The following KLF12 variants were observed in gnomAD, a reference collection of about 807,000 sequenced individuals.
The protein encoded by KLF12 is KLF transcription factor 12.
A neutral mutation model predicts 37.8 loss-of-function variants in KLF12; 9 were observed. That is an observed-to-expected ratio of 0.24 (90% confidence interval 0.14 to 0.42). KLF12 has a LOEUF of 0.42. Among genes scored for constraint, KLF12 ranks in the 10% least tolerant of loss-of-function variants. The pLI is 1.00. For synonymous variants in KLF12, 208 were observed against 202.1 expected, an observed-to-expected ratio of 1.03 and a Z score of -0.25; for missense variants, 411 against 516.0, an observed-to-expected ratio of 0.80 and a Z score of 1.97.
At chr13:73,752,522 G>A (rs1440057427) in intron 6 of KLF12, among the ~76,000 whole-genome samples, 1 of 149,060 alleles carries the variant, frequency 6.7e-6, no homozygotes. Flanking sequence ...ACAACCACCA[G>A]TTGCTCACAC....
chr13:73,687,728 A>G lies in KLF12; in HGVS notation c.*7762T>C, dbSNP rs1873579260. On this transcript the variant is annotated 3_prime_UTR_variant, in exon 8 of 8. Coordinates refer to ENST00000377669, the MANE Select transcript of KLF12 (RefSeq NM_007249.5). ...AACCCTTACTTCTCAACAAAAATGAATCTCTGTGAAAGTCTTGATGAACCT... is the reference window on the plus strand; with the variant it reads ...AACCCTTACTTCTCAACAAAAATGAGTCTCTGTGAAAGTCTTGATGAACCT... The G allele has an allele frequency of 6.6e-6, 1 of 152,198 alleles. No individual in the cohort carries two copies. The highest frequency in any genetic ancestry group is 2.1e-4 in the South Asian group (1 of 4,826). 9.4% of individuals were successfully genotyped at this position (152,198 alleles called of 1,614,324 possible). A position where few individuals can be genotyped will look rare whatever the true frequency, so the allele number is the denominator to read the frequency against.
In KLF12 at chr13:74,037,973, G is replaced by C. The variant is rs534618423; in HGVS notation, c.-31-42920C>G. The stretch of plus-strand genomic sequence containing the variant: ...ACAAAACAGTAGCACAGGAAGCCTT[G>C]TGGGCATGGAACCCCACATACACAA... On this transcript the variant is annotated intron_variant, in intron 1 of 7. Coordinates refer to ENST00000377669, the MANE Select transcript of KLF12 (RefSeq NM_007249.5). 8.5e-5 allele frequency among the ~76,000 whole-genome samples: 13 copies of C among 152,296 alleles called. No homozygotes were observed. The East Asian group carries it at 2.3e-3, about 27-fold the overall frequency.
At chr13:73,903,651 T>G (rs549097532) in intron 3 of KLF12, among the ~76,000 whole-genome samples, 7 of 152,306 alleles carry the variant, frequency 4.6e-5, no homozygotes, top group South Asian at 4.1e-4. Context: ...AATCTTCAAC[T>G]ACTCTTGAAC....
At chr13:74,301,472 G>T in the KLF12 span, among the ~76,000 whole-genome samples, 1 of 152,246 alleles carries the variant, frequency 6.6e-6, no homozygotes, top group East Asian at 1.9e-4. Context: ...GATTAAATGT[G>T]ATTTTAAATG....
intron 3 of KLF12, among the ~76,000 whole-genome samples, chr13:73,925,781 G>T (rs1487826362): frequency 6.6e-6 from 1 of 152,170 alleles, no homozygotes; most frequent in East Asian, 1.9e-4. Flanking sequence ...ATTCATGGGA[G>T]GAGGTCAAAG....
intron 1 of KLF12, among the ~76,000 whole-genome samples, chr13:74,101,802 G>C (rs982809109): frequency 2.4e-4 from 36 of 152,156 alleles, no homozygotes; most frequent in African/African-American, 8.2e-4. Flanking sequence ...TCAGTAAATG[G>C]GGAAAAAGGG....
chr13:74,121,771 G>C (rs1877647048), intron 1 of KLF12, among the ~76,000 whole-genome samples: 1 of 151,908 alleles, frequency 6.6e-6, no homozygotes, highest in Non-Finnish European at 1.5e-5. Context: ...AATGCTAGTT[G>C]CAAGTATTAG....
At chr13:73,699,531 A>G (rs1040843416) in intron 7 of KLF12, among the ~76,000 whole-genome samples, 6 of 152,260 alleles carry the variant, frequency 3.9e-5, no homozygotes, top group African/African-American at 1.2e-4. Flanking sequence ...GGTGAAGGTC[A>G]CATGGTATGA....
the KLF12 span, among the ~76,000 whole-genome samples, chr13:74,237,589 C>T: frequency 6.7e-6 from 1 of 149,976 alleles, no homozygotes; most frequent in South Asian, 2.1e-4. Context: ...GAATGTTCTT[C>T]CATTTGTTTG....
chr13:74,101,855 GA>G (rs1348436421), intron 1 of KLF12, among the ~76,000 whole-genome samples: 1 of 152,184 alleles, frequency 6.6e-6, no homozygotes, highest in African/African-American at 2.4e-5. Flanking sequence ...AAGAATAGCA[GA>G]AAATGAAAAT....
the KLF12 span, among the ~76,000 whole-genome samples, chr13:74,295,963 G>C: frequency 4.6e-5 from 7 of 151,726 alleles, no homozygotes; most frequent in African/African-American, 1.7e-4. Context: ...ATAGACATGC[G>C]CCTCCCTGAC....
At chr13:74,167,282 C>A in the KLF12 span, among the ~76,000 whole-genome samples, 1 of 152,186 alleles carries the variant, frequency 6.6e-6, no homozygotes, top group African/African-American at 2.4e-5. Flanking sequence ...AGCGTTGGAA[C>A]ATCTGGTATA....
chr13:74,235,031 T>A, the KLF12 span, among the ~76,000 whole-genome samples: 1 of 152,240 alleles, frequency 6.6e-6, no homozygotes, highest in Non-Finnish European at 1.5e-5. Context: ...ACAGTCTGGA[T>A]GCAAGAAACC....
chr13:74,101,778 A>C (rs1876360288), intron 1 of KLF12, among the ~76,000 whole-genome samples: 2 of 152,192 alleles, frequency 1.3e-5, no homozygotes, highest in East Asian at 3.8e-4. Context: ...CTGTGACATA[A>C]TATATGAAAA....
In KLF12 at chr13:74,020,190, T is replaced by C. The variant is rs190164192; in HGVS notation, c.-31-25137A>G. On this transcript the variant is annotated intron_variant, in intron 1 of 7. Transcript: ENST00000377669. ...AATTGTTTAATAATATTTGGGTTTT[T>C]TTCCAATTACACAGTGCTCGTAAAT... Among the ~76,000 whole-genome samples, 229 of 152,382 alleles carry C rather than the reference T, an allele frequency of 1.5e-3. 2 individuals carry two copies. Among genetic ancestry groups the C allele is most frequent in the Non-Finnish European group, 3.7e-4 (25 of 68,036 alleles).
chr13:73,972,322 A>T (rs1891371115), intron 2 of KLF12, among the ~76,000 whole-genome samples: 1 of 152,140 alleles, frequency 6.6e-6, no homozygotes, highest in Admixed American at 6.6e-5. Context: ...GTGTTCCATT[A>T]AAGAACGTCT....
At chr13:74,266,787 A>G in the KLF12 span, among the ~76,000 whole-genome samples, 71 of 152,328 alleles carry the variant, frequency 4.7e-4, no homozygotes, top group East Asian at 1.4e-3. Flanking sequence ...GGTCCTAAAG[A>G]GAAGTAATCC....
intron 3 of KLF12, among the ~76,000 whole-genome samples, chr13:73,937,096 A>T (rs191707905): frequency 2.5e-4 from 38 of 152,252 alleles, no homozygotes; most frequent in Admixed American, 2.1e-3. Context: ...AGGCTGAGGC[A>T]GGAGAATCGC....
chr13:74,003,319 G>C (rs1389962405), intron 1 of KLF12, among the ~76,000 whole-genome samples: 1 of 152,152 alleles, frequency 6.6e-6, no homozygotes, highest in African/African-American at 2.4e-5. Flanking sequence ...GTCTGAATTT[G>C]AGAATAATCA....
Sources: allele counts gnomAD v4.1 joint callset (sites outside exome capture counted in the v4.1 genomes callset), GRCh38; gene constraint gnomAD v4.1.1; transcripts MANE v1.5; gene names NCBI Gene and HGNC (gene_info 2026-07-23, HGNC 2026-07-21).